SCN1A: variants seen among roughly 807,000 people sequenced by gnomAD.
SCN1A encodes sodium channel protein type 1 subunit alpha.
In SCN1A, 13 loss-of-function variants were observed where a neutral mutation model predicts 193.7. That is an observed-to-expected ratio of 0.07 (90% CI 0.04 to 0.11). The LOEUF is 0.11. SCN1A is among the 10% of genes least tolerant of loss of function. The probability of loss-of-function intolerance (pLI) is 1.00; values close to 1 mark genes in which losing one functional copy is unlikely to be tolerated. For synonymous variants in SCN1A, 781 were observed against 843.6 expected (o/e 0.93, Z 1.29); for missense variants, 1,432 against 2,451.1 (o/e 0.58, Z 8.78).
At chr2:166,000,072 G>T (rs576437728) in intron 24 of SCN1A, 11 of 376,174 alleles carry the variant, frequency 2.9e-5, no homozygotes, top group Non-Finnish European at 4.9e-5. Flanking sequence ...ATTAAAATTT[G>T]CTGGAGCACT....
upstream of SCN1A, among the ~76,000 whole-genome samples, chr2:166,129,127 A>G (rs1042234729): frequency 6.6e-6 from 1 of 152,134 alleles, no homozygotes; most frequent in Non-Finnish European, 1.5e-5. Flanking sequence ...TGAGATAAAT[A>G]CTATTAATGT....
At chr2:166,065,057 C>G (rs1192745508) in intron 4 of SCN1A, among the ~76,000 whole-genome samples, 1 of 152,184 alleles carries the variant, frequency 6.6e-6, no homozygotes, top group Admixed American at 6.6e-5. Flanking sequence ...ACATATATTT[C>G]TAGACCCACA....
chr2:165,994,255 A>G lies in SCN1A; in HGVS notation c.4743T>C (p.Ile1581=), dbSNP rs746302059. 14 of 1,613,180 alleles carry G rather than the reference A, an allele frequency of 8.7e-6. No individual in the cohort carries two copies. The highest frequency in any genetic ancestry group is 1.2e-5 in the Non-Finnish European group (14 of 1,179,546). The change falls in exon 28 of 29, where the codon ATT becomes ATC. Residue 1581 remains isoleucine, a synonymous_variant. Coordinates refer to ENST00000674923, the MANE Select transcript of SCN1A (RefSeq NM_001165963.4). ...GTACACACTCTCCAGTAAATAGCAC[A>G]ATGAACACCAGATTGATGCGTGACA... The part of the protein sequence containing the change: ...TILSRINLVF[I]VLFTGECVLK...
intron 1 of SCN1A, among the ~76,000 whole-genome samples, chr2:166,138,568 G>T (rs1393853301): frequency 6.6e-6 from 1 of 152,180 alleles, no homozygotes; most frequent in Non-Finnish European, 1.5e-5. Context: ...TCAAAAACTG[G>T]GGTTTGAGAA....
At chr2:166,131,648 C>T (rs1691666927), upstream of SCN1A, among the ~76,000 whole-genome samples, 1 of 152,148 alleles carries the variant, frequency 6.6e-6, no homozygotes, top group Non-Finnish European at 1.5e-5. Context: ...AGAGAACTAT[C>T]TCATTATCAG....
rs1314539929 is a variant in SCN1A at position 166,015,706 on chromosome 2, AGCTACT to A, written c.3445_3450del (p.Ser1151_Ser1152del). 6.2e-7 allele frequency: 1 copy of A among 1,612,650 alleles called. No individual in the cohort carries two copies. Among genetic ancestry groups the A allele is most frequent in the African/African-American group, 1.3e-5 (1 of 74,854 alleles). ...ATGTCCACAGTGCTACCTTCTGATG[AGCTACT>A]GCTTTCATTCAGTTTCTGTAAGTGA... On this transcript the variant is annotated inframe_deletion, in exon 20 of 29. Coordinates refer to ENST00000674923, the MANE Select transcript of SCN1A (RefSeq NM_001165963.4).
chr2:166,079,139 G>A (rs920037303), intron 2 of SCN1A, among the ~76,000 whole-genome samples: 4 of 151,592 alleles, frequency 2.6e-5, no homozygotes, highest in South Asian at 4.1e-4. Context: ...CTTATCTTAT[G>A]TAGACCTTCT....
At chr2:166,107,928 G>T (rs1192467792) in intron 2 of SCN1A, among the ~76,000 whole-genome samples, 1 of 151,992 alleles carries the variant, frequency 6.6e-6, no homozygotes, top group East Asian at 1.9e-4. Flanking sequence ...TGCATAAGTG[G>T]TCAAAAGAGA....
intron 3 of SCN1A, among the ~76,000 whole-genome samples, chr2:166,076,298 G>A (rs1275597064): frequency 1.3e-5 from 2 of 151,570 alleles, no homozygotes; most frequent in Non-Finnish European, 3.0e-5. Flanking sequence ...TTTCCCTCTT[G>A]TATTTTTAGT....
intron 2 of SCN1A, among the ~76,000 whole-genome samples, chr2:166,110,510 A>G (rs1689180990): frequency 1.3e-5 from 2 of 152,226 alleles, no homozygotes; most frequent in African/African-American, 4.8e-5. Flanking sequence ...GCCAAAGCCT[A>G]ATTCAGAGCA....
chr2:166,054,492 T>C, intron 7 of SCN1A, 146 bp downstream of exon 7: 1 of 835,842 alleles, frequency 1.2e-6, no homozygotes, highest in Non-Finnish European at 1.9e-6. Context: ...ACTTAGACCT[T>C]TGTTGTGCTA....
intron 28 of SCN1A, chr2:165,993,931 T>G (rs979409874): frequency 1.7e-5 from 10 of 581,742 alleles, no homozygotes; most frequent in Non-Finnish European, 3.0e-5. Context: ...TTACTACATT[T>G]ACACTAAGTA....
At chr2:166,074,739 C>A (rs1331115993) in intron 3 of SCN1A, among the ~76,000 whole-genome samples, 1 of 152,152 alleles carries the variant, frequency 6.6e-6, no homozygotes, top group African/African-American at 2.4e-5. Flanking sequence ...TGCATTAACT[C>A]ATTAAGGTCA....
intron 4 of SCN1A, among the ~76,000 whole-genome samples, chr2:166,065,285 A>G (rs1256741413): frequency 6.6e-6 from 1 of 152,156 alleles, no homozygotes. Flanking sequence ...AGGTTCCAGC[A>G]TGAAGGGGGA....
intron 19 of SCN1A, among the ~76,000 whole-genome samples, chr2:166,033,509 A>T (rs546909780): frequency 2.6e-4 from 38 of 146,396 alleles, no homozygotes; most frequent in Non-Finnish European, 5.3e-4. Flanking sequence ...CATTAAAATT[A>T]AAAAAAAAAA....
chr2:166,142,772 G>A (rs1413444994), intron 1 of SCN1A, among the ~76,000 whole-genome samples: 1 of 152,206 alleles, frequency 6.6e-6, no homozygotes, highest in Non-Finnish European at 1.5e-5. Flanking sequence ...TAATCCCCAT[G>A]TGTCAAGGGT....
upstream of SCN1A, among the ~76,000 whole-genome samples, chr2:166,131,788 C>T (rs576364702): frequency 6.6e-6 from 1 of 152,238 alleles, no homozygotes; most frequent in South Asian, 2.1e-4. Context: ...AGTTCTGAAA[C>T]TTTAACCAGC....
At chr2:166,091,673 C>G (rs1686821016) in intron 2 of SCN1A, among the ~76,000 whole-genome samples, 1 of 152,218 alleles carries the variant, frequency 6.6e-6, no homozygotes, top group African/African-American at 2.4e-5. Context: ...ACCCTTTTCC[C>G]TATGGCTCAG....
chr2:166,013,666 A>T (rs1272800100), intron 21 of SCN1A, 78 bp downstream of exon 21: 1 of 1,331,814 alleles, frequency 7.5e-7, no homozygotes, highest in Non-Finnish European at 1.1e-6. Context: ...AAGACAATGA[A>T]ACAAAGGATT....
Sources: allele counts gnomAD v4.1 joint callset (sites outside exome capture counted in the v4.1 genomes callset), GRCh38; gene constraint gnomAD v4.1.1; transcripts MANE v1.5; gene names NCBI Gene and HGNC (gene_info 2026-07-23, HGNC 2026-07-21).